The following GPATCH8 variants were observed in gnomAD, a reference collection of about 807,000 sequenced individuals.
The protein encoded by GPATCH8 is G patch domain-containing protein 8.
Under a neutral mutation model 118.3 loss-of-function variants are expected in GPATCH8, and 18 were observed. The ratio of observed to expected loss-of-function variants is 0.15; its 90% CI spans 0.11 to 0.23. The LOEUF (loss-of-function observed/expected upper bound fraction) is 0.23. GPATCH8 is among the 10% of genes least tolerant of loss of function. GPATCH8 has a pLI of 1.00. For missense variants in GPATCH8, 1,631 were observed against 1,873.8 expected (o/e 0.87, Z 2.39); for synonymous variants, 659 against 684.7 (o/e 0.96, Z 0.59).
intron 2 of GPATCH8, among the ~76,000 whole-genome samples, chr17:44,471,159 T>C (rs1023415527): frequency 5.9e-5 from 9 of 152,200 alleles, no homozygotes; most frequent in African/African-American, 1.7e-4. Context: ...TTGAAAGATA[T>C]CTGGTTGGTT....
chr17:44,489,350 GTTTT>G (rs1258506322), intron 1 of GPATCH8, among the ~76,000 whole-genome samples: 3 of 140,414 alleles, frequency 2.1e-5, no homozygotes, highest in African/African-American at 7.8e-5. Context: ...CCTCTTTTTT[GTTTT>G]TTTTTTTTGA....
intron 6 of GPATCH8, among the ~76,000 whole-genome samples, chr17:44,412,409 CAG>C (rs1476823985): frequency 6.6e-5 from 10 of 151,860 alleles, no homozygotes; most frequent in African/African-American, 2.4e-4. Flanking sequence ...TTTTTTGAGA[CAG>C]AGTCTCCCTC....
chr17:44,404,747 A>G (rs1325418890), intron 7 of GPATCH8, among the ~76,000 whole-genome samples: 2 of 152,180 alleles, frequency 1.3e-5, no homozygotes, highest in Non-Finnish European at 2.9e-5. Flanking sequence ...AGTTTGAAAG[A>G]AGGATCTATT....
intron 5 of GPATCH8, among the ~76,000 whole-genome samples, chr17:44,424,817 C>CA (rs758812343): frequency 6.6e-6 from 1 of 152,164 alleles, no homozygotes; most frequent in Non-Finnish European, 1.5e-5. Flanking sequence ...AAGGGATATA[C>CA]AACCTGTATT....
chr17:44,411,467 T>A (rs987685209), intron 6 of GPATCH8, among the ~76,000 whole-genome samples: 1 of 152,208 alleles, frequency 6.6e-6, no homozygotes, highest in African/African-American at 2.4e-5. Flanking sequence ...ATACTAAGAA[T>A]AATTCTGATT....
intron 6 of GPATCH8, among the ~76,000 whole-genome samples, chr17:44,407,583 T>C (rs2049278217): frequency 6.6e-6 from 1 of 152,084 alleles, no homozygotes; most frequent in Non-Finnish European, 1.5e-5. Context: ...AGCAGTCCTG[T>C]TTCCATTAGC....
Position 44,401,375 on chromosome 17 carries a change from T to G in GPATCH8, c.702A>C (p.Glu234Asp). 1 of 1,613,112 alleles carries G rather than the reference T, an allele frequency of 6.2e-7. No homozygotes were observed. Among genetic ancestry groups the G allele is most frequent in the Non-Finnish European group, 8.5e-7 (1 of 1,179,284 alleles). ...DEEGGEDDKD[E>D]SATNSGTGAT... The stretch of plus-strand genomic sequence containing the variant: ...CACCTGTGCCACTATTTGTAGCTGA[T>G]TCATCTTTATCATCTTCTCCACCTT... Residue 234 changes from glutamate (E) to aspartate (D), a missense_variant, in exon 8 of 8, where the codon GAA becomes GAC. Glu to Asp is a conservative substitution (Grantham distance 45). Transcript: ENST00000591680.
At chr17:44,442,862 G>A (rs912448895) in intron 3 of GPATCH8, among the ~76,000 whole-genome samples, 7 of 152,208 alleles carry the variant, frequency 4.6e-5, no homozygotes, top group African/African-American at 1.7e-4. Flanking sequence ...AAGATGCCTT[G>A]AGGACAGGAG....
chr17:44,456,096 TGAGACAGGTCTTGCTTATTTATTTATA>T lies in GPATCH8; in HGVS notation c.193+8349_193+8375del, dbSNP rs879854754. Among the ~76,000 whole-genome samples the T allele has an allele frequency of 6.7e-3, 1,019 of 152,298 alleles. 36 individuals are homozygous for T. The East Asian group carries it at 0.092, about 14-fold the overall frequency. ...CAGTAAAATATTTATAGTGATTGAT[TGAGACAGGTCTTGCTTATTTATTTATA>T]GAGACAGGTCTAGCTATGTTGCCCA... On this transcript the variant is annotated intron_variant, in intron 3 of 7. Coordinates refer to ENST00000591680, the MANE Select transcript of GPATCH8 (RefSeq NM_001002909.4).
chr17:44,491,707 A>C (rs1414852391), intron 1 of GPATCH8, among the ~76,000 whole-genome samples: 2 of 152,012 alleles, frequency 1.3e-5, no homozygotes, highest in African/African-American at 4.8e-5. Context: ...AAATTAAATT[A>C]ACTGAATGTG....
intron 5 of GPATCH8, among the ~76,000 whole-genome samples, chr17:44,433,007 AT>A (rs2050374377): frequency 6.6e-6 from 1 of 151,504 alleles, no homozygotes; most frequent in East Asian, 1.9e-4. Context: ...ACACCTAGCT[AT>A]TTTTTTTCTT....
intron 7 of GPATCH8, among the ~76,000 whole-genome samples, chr17:44,404,730 T>A (rs920425570): frequency 6.6e-6 from 1 of 152,140 alleles, no homozygotes; most frequent in African/African-American, 2.4e-5. Context: ...TATATAGATA[T>A]GCTTTTAGTT....
chr17:44,413,571 G>A lies in GPATCH8; in HGVS notation c.493-7520C>T, dbSNP rs146020985. Among the ~76,000 whole-genome samples the A allele has an allele frequency of 4.9e-3, 745 of 152,270 alleles. 1 individual carries two copies. Among genetic ancestry groups the A allele is most frequent in the African/African-American group, 0.017 (688 of 41,542 alleles). On this transcript the variant is annotated intron_variant, in intron 6 of 7. Coordinates refer to ENST00000591680, the MANE Select transcript of GPATCH8 (RefSeq NM_001002909.4). ...ATCTTGGCTCACTGCAACCTCCCGA[G>A]TTCAAGCGATTCTCCTGCCTCAGCC...
At chr17:44,492,288 G>A (rs148117758) in intron 1 of GPATCH8, among the ~76,000 whole-genome samples, 2 of 87,010 alleles carry the variant, frequency 2.3e-5, no homozygotes, top group Non-Finnish European at 4.6e-5. Context: ...GTGACAGAGT[G>A]AGACGTCTCA....
At chr17:44,469,075 T>C (rs574362231) in intron 2 of GPATCH8, among the ~76,000 whole-genome samples, 11 of 152,294 alleles carry the variant, frequency 7.2e-5, no homozygotes, top group African/African-American at 1.9e-4. Flanking sequence ...TTACCTCAGT[T>C]GGCCTTTTTT....
intron 7 of GPATCH8, among the ~76,000 whole-genome samples, chr17:44,405,339 G>C (rs2049179355): frequency 1.3e-5 from 2 of 151,738 alleles, no homozygotes; most frequent in Admixed American, 1.3e-4. Context: ...CTCCCTAGTA[G>C]CTGGGATTAT....
chr17:44,433,976 C>A (rs1598479317), intron 5 of GPATCH8, among the ~76,000 whole-genome samples: 1 of 149,862 alleles, frequency 6.7e-6, no homozygotes, highest in Admixed American at 6.6e-5. Flanking sequence ...CCATCTCTAC[C>A]AAAAATTCAA....
At chr17:44,450,759 T>C (rs2051083372) in intron 3 of GPATCH8, among the ~76,000 whole-genome samples, 1 of 152,192 alleles carries the variant, frequency 6.6e-6, no homozygotes, top group Admixed American at 6.5e-5. Context: ...TCATTCCACT[T>C]TAAAATACCA....
At chr17:44,427,257 G>A (rs773457693) in intron 5 of GPATCH8, among the ~76,000 whole-genome samples, 8 of 151,808 alleles carry the variant, frequency 5.3e-5, no homozygotes, top group South Asian at 2.1e-4. Flanking sequence ...TGTATTTTTC[G>A]TAGAGACAGG....
Sources: gnomAD v4.1 joint callset for allele counts (sites outside exome capture counted in the v4.1 genomes callset) on GRCh38, gnomAD v4.1.1 for gene constraint, MANE v1.5 for transcripts, NCBI Gene and HGNC (gene_info 2026-07-23, HGNC 2026-07-21) for gene names.